METTL14: variants seen among roughly 807,000 people sequenced by gnomAD.
METTL14 encodes the protein N(6)-adenosine-methyltransferase non-catalytic subunit METTL14.
In METTL14, 32 loss-of-function variants were observed where a neutral mutation model predicts 62.4. The observed-to-expected ratio is 0.51, with a 90% CI of 0.39 to 0.69. The LOEUF (loss-of-function observed/expected upper bound fraction) is 0.69. Among genes scored for constraint, METTL14 ranks in the 30% least tolerant of loss-of-function variants. The pLI is 0.00. For missense variants in METTL14, 340 were observed against 551.9 expected, an observed-to-expected ratio of 0.62 and a Z score of 3.85; for synonymous variants, 150 against 180.0, an observed-to-expected ratio of 0.83 and a Z score of 1.34.
At chr4:118,690,683 A>C (rs1343425853) in intron 3 of METTL14, among the ~76,000 whole-genome samples, 3 of 151,964 alleles carry the variant, frequency 2.0e-5, no homozygotes, top group Non-Finnish European at 4.4e-5. Flanking sequence ...GTCTCAAAAA[A>C]AAAAAAAAAA....
rs756422198 is a variant in METTL14, at chr4:118,705,568, CTG to C, written c.856-41_856-40del. On this transcript the variant is annotated intron_variant, in intron 9 of 10. Transcript: ENST00000388822. Reference sequence around the variant, plus strand: ...AGAAATGTGAAAGGTTTTGGAATGACTGTTGATGAAAACAGATTAATTGGTCT... The same window carrying C: ...AGAAATGTGAAAGGTTTTGGAATGACTTGATGAAAACAGATTAATTGGTCT... 2.3e-5 allele frequency: 34 copies of C among 1,477,254 alleles called. No homozygotes were observed. In the South Asian group the frequency reaches 3.5e-4, roughly 15 times the overall value. The allele number at this position is 1,477,254 out of a possible 1,614,324, so 91.5% of individuals were successfully genotyped here. A position where few individuals can be genotyped will look rare whatever the true frequency, so the allele number is the denominator to read the frequency against.
intron 5 of METTL14, among the ~76,000 whole-genome samples, chr4:118,693,664 ACTG>A (rs1724320033): frequency 6.6e-6 from 1 of 152,168 alleles, no homozygotes; most frequent in African/African-American, 2.4e-5. Context: ...TTAGATATAA[ACTG>A]CTCTGCTCTT....
Position 118,711,348 on chromosome 4 carries a change from C to T in METTL14, c.*1046C>T, listed in dbSNP as rs1724915645. ...TCACTTCTCTTGCTGTACTGTAATT[C>T]ATGTTTTAAATGAATTTGATAATGA... is the stretch of plus-strand genomic sequence containing the variant. On this transcript the variant is annotated 3_prime_UTR_variant, in exon 11 of 11. Coordinates refer to ENST00000388822, the MANE Select transcript of METTL14 (RefSeq NM_020961.4). 1 of 152,094 alleles carries T rather than the reference C, an allele frequency of 6.6e-6. No homozygotes were observed. The highest frequency in any genetic ancestry group is 2.1e-4 in the South Asian group (1 of 4,824). The allele number at this position is 152,094 out of a possible 1,614,324, so 9.4% of individuals were successfully genotyped here. A position where few individuals can be genotyped will look rare whatever the true frequency, so the allele number is the denominator to read the frequency against.
chr4:118,687,818 G>T, intron 1 of METTL14, 105 bp from the exon 2 acceptor site: 1 of 721,660 alleles, frequency 1.4e-6, no homozygotes, highest in Non-Finnish European at 2.4e-6. Flanking sequence ...TGTGAATTAA[G>T]GTGTTTTTGT....
intron 1 of METTL14, 31 bp downstream of exon 1, chr4:118,685,631 G>A (rs1196470351): frequency 2.5e-6 from 4 of 1,606,072 alleles, no homozygotes; most frequent in African/African-American, 1.3e-5. Context: ...CTGTGGGAGG[G>A]ATCGAGAATG....
chr4:118,695,802 A>C (rs937925696), intron 6 of METTL14, among the ~76,000 whole-genome samples: 3 of 152,074 alleles, frequency 2.0e-5, no homozygotes, highest in African/African-American at 7.2e-5. Flanking sequence ...GGTTTTGTAC[A>C]TTTAATGATA....
chr4:118,709,929 C>G (rs1003491257), intron 10 of METTL14, 69 bp from the exon 11 acceptor site: 5 of 1,445,124 alleles, frequency 3.5e-6, no homozygotes, highest in Non-Finnish European at 4.7e-6. Context: ...GGGATTTGAA[C>G]TAGCTTCTAA....
intron 10 of METTL14, among the ~76,000 whole-genome samples, chr4:118,706,389 A>G (rs1017997248): frequency 6.6e-6 from 1 of 152,196 alleles, no homozygotes; most frequent in Non-Finnish European, 1.5e-5. Context: ...GGTAATTGGC[A>G]TTTAAGATTT....
At chr4:118,709,065 G>C (rs1294599565) in intron 10 of METTL14, among the ~76,000 whole-genome samples, 1 of 152,162 alleles carries the variant, frequency 6.6e-6, no homozygotes, top group African/African-American at 2.4e-5. Flanking sequence ...TGAGAAAGAA[G>C]AAATAATTTT....
chr4:118,706,455 C>G (rs2110410061), intron 10 of METTL14, among the ~76,000 whole-genome samples: 1 of 152,268 alleles, frequency 6.6e-6, no homozygotes. Context: ...GAATAATATT[C>G]CATTGGATGT....
chr4:118,694,129 T>G (rs1269743940), intron 5 of METTL14, among the ~76,000 whole-genome samples: 2 of 151,042 alleles, frequency 1.3e-5, no homozygotes, highest in African/African-American at 2.4e-5. Context: ...GGTAGTTGTT[T>G]TTTTTTTTTT....
intron 8 of METTL14, among the ~76,000 whole-genome samples, 190 bp from the exon 9 acceptor site, chr4:118,703,745 C>A (rs796992585): frequency 2.0e-5 from 3 of 152,162 alleles, no homozygotes; most frequent in African/African-American, 7.2e-5. Flanking sequence ...TATATGCATT[C>A]CGTATTATGG....
rs1158511900 is a variant in METTL14 at position 118,694,420 on chromosome 4, T to C, written c.413-16T>C. ...CAGTTGAGATGAATTCAGAATTTAC[T>C]ATTTTTTCTGCTCAGGTTTAGCTGA... On this transcript the variant is annotated splice_polypyrimidine_tract_variant and intron_variant, in intron 5 of 10. Coordinates refer to ENST00000388822, the MANE Select transcript of METTL14 (RefSeq NM_020961.4). 1.9e-6 allele frequency: 3 copies of C among 1,597,136 alleles called. No homozygotes were observed. The South Asian group carries it at 3.4e-5, about 18-fold the overall frequency.
At chr4:118,691,126 A>C (rs1420247457) in intron 3 of METTL14, among the ~76,000 whole-genome samples, 1 of 152,124 alleles carries the variant, frequency 6.6e-6, no homozygotes, top group Non-Finnish European at 1.5e-5. Context: ...TATTAATTAA[A>C]ATGTTAGTGA....
intron 5 of METTL14, among the ~76,000 whole-genome samples, chr4:118,692,570 G>A (rs1343136229): frequency 1.3e-5 from 2 of 151,902 alleles, no homozygotes; most frequent in African/African-American, 4.8e-5. Context: ...TCCAGGCCCT[G>A]TATACCTTCT....
rs530789945 is a variant in METTL14, at chr4:118,698,994, G to A, written c.646-1556G>A. Among the ~76,000 whole-genome samples, 9 of 152,214 alleles carry A rather than the reference G, an allele frequency of 5.9e-5. No individual in the cohort carries two copies. In the East Asian group the frequency reaches 9.7e-4, roughly 16 times the overall value. On this transcript the variant is annotated intron_variant, in intron 7 of 10. Coordinates refer to ENST00000388822, the MANE Select transcript of METTL14 (RefSeq NM_020961.4). The stretch of plus-strand genomic sequence containing the variant: ...CTACATATAAAAGAAATTTAAAAAC[G>A]AGTTGTTCAGTGATGAATGAAGAGA...
chr4:118,711,223 CAACTT>C lies in METTL14; in HGVS notation c.*924_*928del, dbSNP rs979490418. The C allele has an allele frequency of 6.6e-6, 1 of 152,170 alleles. No individual in the cohort carries two copies. Among genetic ancestry groups the C allele is most frequent in the Non-Finnish European group, 1.5e-5 (1 of 68,022 alleles). The allele number at this position is 152,170 out of a possible 1,614,324, so 9.4% of individuals were successfully genotyped here. A position where few individuals can be genotyped will look rare whatever the true frequency, so the allele number is the denominator to read the frequency against. ...TGTAAAACCAACTACGGAAAACCCTCAACTTAAGGATACAGCTTGGAAATTGGAAC... is the reference window on the plus strand; with the variant it reads ...TGTAAAACCAACTACGGAAAACCCTCAAGGATACAGCTTGGAAATTGGAAC... On this transcript the variant is annotated 3_prime_UTR_variant, in exon 11 of 11. Coordinates refer to ENST00000388822, the MANE Select transcript of METTL14 (RefSeq NM_020961.4).
intron 10 of METTL14, among the ~76,000 whole-genome samples, chr4:118,709,156 A>G (rs1724847034): frequency 6.6e-6 from 1 of 152,246 alleles, no homozygotes; most frequent in African/African-American, 2.4e-5. Flanking sequence ...AAAGAAAATA[A>G]TATGGGCACA....
intron 3 of METTL14, 106 bp downstream of exon 3, chr4:118,689,563 G>T: frequency 1.7e-6 from 1 of 580,964 alleles, no homozygotes; most frequent in South Asian, 2.5e-5. Flanking sequence ...TTTAAGATGT[G>T]CTAAAATAAT....
Sources: allele counts gnomAD v4.1 joint callset (sites outside exome capture counted in the v4.1 genomes callset), GRCh38; gene constraint gnomAD v4.1.1; transcripts MANE v1.5; gene names NCBI Gene and HGNC (gene_info 2026-07-23, HGNC 2026-07-21).